ELAPOR2: variants seen among roughly 807,000 people sequenced by gnomAD.
ELAPOR2 encodes endosome-lysosome associated apoptosis and autophagy regulator family member 2, also known as endosome/lysosome-associated apoptosis and autophagy regulator family member 2.
Under a neutral mutation model 120.7 loss-of-function variants are expected in ELAPOR2, and 89 were observed. The ratio of observed to expected loss-of-function variants is 0.74; its 90% CI spans 0.62 to 0.88. The LOEUF is 0.88. Ranked by LOEUF, ELAPOR2 falls within the 40% of genes least tolerant of loss-of-function variation. ELAPOR2 has a pLI of 0.00. For missense variants in ELAPOR2, 1,134 were observed against 1,251.6 expected (o/e 0.91, Z 1.42); for synonymous variants, 444 against 444.9 (o/e 1.00, Z 0.03).
chr7:86,918,677 CA>C (rs1789681601), intron 11 of ELAPOR2, 133 bp from the exon 12 acceptor site: 2 of 618,304 alleles, frequency 3.2e-6, no homozygotes, highest in African/African-American at 3.7e-5. Flanking sequence ...CCCTCACCCA[CA>C]ACTCCTTCCT....
At chr7:86,930,685 C>T (rs1790288391) in intron 8 of ELAPOR2, among the ~76,000 whole-genome samples, 1 of 151,858 alleles carries the variant, frequency 6.6e-6, no homozygotes, top group Admixed American at 6.6e-5. Context: ...AAGAAGGCTC[C>T]CTTTTAAAAC....
At chr7:87,014,809 T>C (rs921906773) in intron 1 of ELAPOR2, among the ~76,000 whole-genome samples, 11 of 152,164 alleles carry the variant, frequency 7.2e-5, no homozygotes, top group Admixed American at 7.2e-4. Flanking sequence ...TGAAATATTG[T>C]TCAATTCACT....
chr7:87,029,134 G>A (rs1227914024), intron 1 of ELAPOR2, among the ~76,000 whole-genome samples: 1 of 151,996 alleles, frequency 6.6e-6, no homozygotes, highest in East Asian at 1.9e-4. Flanking sequence ...TTTGTATAAT[G>A]TCTATCTCTT....
At chr7:87,050,726 G>C (rs1283342736) in intron 1 of ELAPOR2, among the ~76,000 whole-genome samples, 1 of 152,190 alleles carries the variant, frequency 6.6e-6, no homozygotes, top group East Asian at 1.9e-4. Flanking sequence ...GAGCTGCACT[G>C]TGACATCAAG....
intron 1 of ELAPOR2, among the ~76,000 whole-genome samples, chr7:86,983,211 T>C (rs1315524583): frequency 3.3e-5 from 5 of 152,340 alleles, no homozygotes; most frequent in South Asian, 4.1e-4. Context: ...CTACATTTGA[T>C]TGGTGTACCT....
rs201547705 is a variant in ELAPOR2 at position 87,059,093 on chromosome 7, A to G, written c.189+232T>C. On this transcript the variant is annotated intron_variant, in intron 1 of 21. Coordinates refer to ENST00000450689, the MANE Select transcript of ELAPOR2 (RefSeq NM_001142749.3). Reference sequence around the variant, plus strand: ...GCCGCAAAGTCCTGCAGAGCCCCCAAAAGACACAAGCGCGGACAGAAAAGC... The same window carrying G: ...GCCGCAAAGTCCTGCAGAGCCCCCAGAAGACACAAGCGCGGACAGAAAAGC... Among the ~76,000 whole-genome samples, 51 of 152,026 alleles carry G rather than the reference A, an allele frequency of 3.4e-4. 1 individual carries two copies. The East Asian group carries it at 8.1e-3, about 24-fold the overall frequency.
chr7:86,944,379 A>G (rs1405436514), intron 4 of ELAPOR2, among the ~76,000 whole-genome samples: 5 of 152,096 alleles, frequency 3.3e-5, no homozygotes, highest in Non-Finnish European at 7.4e-5. Flanking sequence ...ATGTTTTTAG[A>G]CTGTACTAAA....
intron 17 of ELAPOR2, 125 bp downstream of exon 17, chr7:86,908,322 C>T: frequency 1.7e-6 from 1 of 574,832 alleles, no homozygotes; most frequent in East Asian, 3.3e-5. Flanking sequence ...TCTTCTCTGC[C>T]ATAAGAACTC....
chr7:87,044,906 T>G (rs1213154747), intron 1 of ELAPOR2, among the ~76,000 whole-genome samples: 1 of 145,520 alleles, frequency 6.9e-6, no homozygotes, highest in African/African-American at 2.7e-5. Flanking sequence ...CAAACAAATC[T>G]ACAAGAAAAA....
At chr7:86,912,277 G>A in intron 14 of ELAPOR2, 32 bp from the exon 15 acceptor site, 1 of 1,454,436 alleles carries the variant, frequency 6.9e-7, no homozygotes, top group Non-Finnish European at 9.4e-7. Context: ...CAATATAGCA[G>A]GAAAGAAAAT....
intron 8 of ELAPOR2, among the ~76,000 whole-genome samples, chr7:86,928,040 A>C (rs1317325952): frequency 6.6e-6 from 1 of 152,032 alleles, no homozygotes; most frequent in Non-Finnish European, 1.5e-5. Flanking sequence ...GGAAGAGTAG[A>C]TTAACTTATC....
In ELAPOR2 at chr7:86,880,431, T is replaced by C. The variant is rs1307737919; in HGVS notation, c.*40A>G. 1 of 1,455,022 alleles carries C rather than the reference T, an allele frequency of 6.9e-7. No homozygotes were observed. The highest frequency in any genetic ancestry group is 9.6e-7 in the Non-Finnish European group (1 of 1,036,448). 90.1% of individuals were successfully genotyped at this position (1,455,022 alleles called of 1,614,324 possible). A position where few individuals can be genotyped will look rare whatever the true frequency, so the allele number is the denominator to read the frequency against. On this transcript the variant is annotated 3_prime_UTR_variant, in exon 22 of 22. Coordinates refer to ENST00000450689, the MANE Select transcript of ELAPOR2 (RefSeq NM_001142749.3). The stretch of plus-strand genomic sequence containing the variant: ...TATGGTCCTGTAAAACTAGAGCAGG[T>C]TTCTTTGTTCATTAGTCTCAAGGCT...
intron 1 of ELAPOR2, among the ~76,000 whole-genome samples, chr7:87,042,859 A>C (rs188673694): frequency 6.6e-6 from 1 of 152,138 alleles, no homozygotes; most frequent in African/African-American, 2.4e-5. Flanking sequence ...TTGAATGACC[A>C]CTAGAAAGAC....
intron 13 of ELAPOR2, 47 bp from the exon 14 acceptor site, chr7:86,913,251 T>G: frequency 1.3e-6 from 2 of 1,582,116 alleles, no homozygotes; most frequent in Admixed American, 3.4e-5. Flanking sequence ...GGGGCTTAGT[T>G]GTACAACCAG....
intron 9 of ELAPOR2, 150 bp downstream of exon 9, chr7:86,926,586 A>G: frequency 4.4e-6 from 3 of 674,732 alleles, no homozygotes; most frequent in Non-Finnish European, 7.2e-6. Flanking sequence ...ATCTGCAACT[A>G]AAATATTACA....
At chr7:86,978,175 C>T (rs1208231537) in intron 1 of ELAPOR2, among the ~76,000 whole-genome samples, 3 of 152,180 alleles carry the variant, frequency 2.0e-5, no homozygotes, top group Admixed American at 6.5e-5. Context: ...TTATAAGCAT[C>T]TGGCGTTTCC....
At chr7:86,916,316 G>C (rs1312692774) in intron 12 of ELAPOR2, among the ~76,000 whole-genome samples, 1 of 152,172 alleles carries the variant, frequency 6.6e-6, no homozygotes, top group Non-Finnish European at 1.5e-5. Context: ...CTGAGAAAAG[G>C]TGAAGTTTGA....
intron 10 of ELAPOR2, among the ~76,000 whole-genome samples, chr7:86,922,289 T>C (rs1471774192): frequency 1.3e-5 from 2 of 151,970 alleles, no homozygotes; most frequent in Admixed American, 6.6e-5. Context: ...ATGGTATACA[T>C]AATTTTGTAT....
In ELAPOR2 at chr7:87,059,493, C is replaced by G; in HGVS notation, c.21G>C (p.Gly7=). The part of the protein sequence containing the change: MLFRAR[G]PVRGRGWGRP... ...GCCCCCAGCCCCTGCCCCGTACCGG[C>G]CCCCGGGCGCGGAACAGCATCTTCG... The change falls in exon 1 of 22, where the codon GGG becomes GGC. Residue 7 remains glycine, a synonymous_variant. Coordinates refer to ENST00000450689, the MANE Select transcript of ELAPOR2 (RefSeq NM_001142749.3). The G allele has an allele frequency of 2.5e-6, 3 of 1,204,376 alleles. No homozygotes were observed. Among genetic ancestry groups the G allele is most frequent in the Non-Finnish European group, 3.1e-6 (3 of 969,484 alleles). The allele number at this position is 1,204,376 out of a possible 1,614,324, so 74.6% of individuals were successfully genotyped here. A position where few individuals can be genotyped will look rare whatever the true frequency, so the allele number is the denominator to read the frequency against.
Sources: allele counts gnomAD v4.1 joint callset (sites outside exome capture counted in the v4.1 genomes callset), GRCh38; gene constraint gnomAD v4.1.1; transcripts MANE v1.5; gene names NCBI Gene and HGNC (gene_info 2026-07-23, HGNC 2026-07-21).